SNX14: variants seen among roughly 807,000 people sequenced by gnomAD.
SNX14 encodes the protein sorting nexin 14.
In SNX14, 93 loss-of-function variants were observed where a neutral mutation model predicts 133.8. That is an observed-to-expected ratio of 0.70 (90% CI 0.59 to 0.83). The LOEUF (loss-of-function observed/expected upper bound fraction) is 0.83. SNX14 is among the 40% of genes least tolerant of loss of function. The pLI is 0.00. For missense variants in SNX14, 945 were observed against 1,094.9 expected, an observed-to-expected ratio of 0.86 and a Z score of 1.93; for synonymous variants, 368 against 365.6, an observed-to-expected ratio of 1.01 and a Z score of -0.07.
intron 1 of SNX14, among the ~76,000 whole-genome samples, chr6:85,590,993 T>C (rs1802579148): frequency 1.3e-5 from 2 of 152,246 alleles, no homozygotes; most frequent in Non-Finnish European, 2.9e-5. Context: ...TTTTCTCTGC[T>C]TCTTGGGAGT....
At chr6:85,567,690 T>C (rs937236966) in intron 4 of SNX14, 113 bp from the exon 5 acceptor site, 14 of 624,460 alleles carry the variant, frequency 2.2e-5, no homozygotes, top group Non-Finnish European at 2.8e-5. Flanking sequence ...TTATCACAAA[T>C]AGTGACAGTA....
chr6:85,592,058 T>C (rs1397212426), intron 1 of SNX14, among the ~76,000 whole-genome samples: 1 of 152,232 alleles, frequency 6.6e-6, no homozygotes, highest in East Asian at 1.9e-4. Context: ...TACATTTCTT[T>C]CATACTAAAC....
At chr6:85,579,030 C>G (rs1196882593) in intron 1 of SNX14, among the ~76,000 whole-genome samples, 5 of 151,908 alleles carry the variant, frequency 3.3e-5, no homozygotes, top group Non-Finnish European at 7.4e-5. Flanking sequence ...CCCAGCTACT[C>G]AGGAGGCTGA....
rs1785683972 is a variant in SNX14, at chr6:85,546,839, T to G, written c.1108+273A>C. Among the ~76,000 whole-genome samples the G allele has an allele frequency of 2.6e-5, 4 of 151,956 alleles. No homozygotes were observed. The South Asian group carries it at 8.3e-4, about 31-fold the overall frequency. On this transcript the variant is annotated intron_variant, in intron 12 of 28. Transcript: ENST00000314673. ...TAGCTGGGGTGCTGGCACATGCCTG[T>G]AATCCCAGCTACTTGGGAGACTGAG... is the stretch of plus-strand genomic sequence containing the variant.
rs542725392 is a variant in SNX14 at position 85,536,737 on chromosome 6, T to C, written c.1608+55A>G. On this transcript the variant is annotated intron_variant, in intron 17 of 28. Coordinates refer to ENST00000314673, the MANE Select transcript of SNX14 (RefSeq NM_153816.6). ...GAAAATAATGAGTATATCTAATTTTTATGTCATAGTAAGTCTGAAGTTATA... is the reference window on the plus strand; with the variant it reads ...GAAAATAATGAGTATATCTAATTTTCATGTCATAGTAAGTCTGAAGTTATA... The C allele has an allele frequency of 2.6e-6, 4 of 1,535,076 alleles. No homozygotes were observed. The African/African-American group carries it at 5.5e-5, about 21-fold the overall frequency.
intron 26 of SNX14, among the ~76,000 whole-genome samples, chr6:85,509,335 G>GT (rs1348340422): frequency 3.4e-5 from 5 of 147,118 alleles, no homozygotes; most frequent in African/African-American, 7.8e-5. Context: ...CAGAAAACAG[G>GT]TAAAAAAAAA....
intron 19 of SNX14, among the ~76,000 whole-genome samples, chr6:85,529,493 T>C (rs1368084030): frequency 1.3e-5 from 2 of 152,158 alleles, no homozygotes; most frequent in Non-Finnish European, 2.9e-5. Flanking sequence ...TGGAGATAAA[T>C]TGTCTTCTCT....
At chr6:85,530,466 G>T (rs1350415363) in intron 18 of SNX14, among the ~76,000 whole-genome samples, 191 bp from the exon 19 acceptor site, 1 of 152,056 alleles carries the variant, frequency 6.6e-6, no homozygotes, top group East Asian at 1.9e-4. Flanking sequence ...CCAACATGGT[G>T]AAATCCCGCT....
intron 18 of SNX14, among the ~76,000 whole-genome samples, chr6:85,530,690 G>A (rs1328245714): frequency 6.6e-6 from 1 of 151,644 alleles, no homozygotes. Context: ...TACAAAGCTG[G>A]ACATTATTCC....
At chr6:85,569,254 G>A (rs1794864842) in intron 4 of SNX14, among the ~76,000 whole-genome samples, 1 of 152,112 alleles carries the variant, frequency 6.6e-6, no homozygotes, top group Non-Finnish European at 1.5e-5. Flanking sequence ...GAGCCAACAC[G>A]CCCAGCGGGT....
At chr6:85,519,609 G>T (rs896401109) in intron 21 of SNX14, among the ~76,000 whole-genome samples, 1 of 152,124 alleles carries the variant, frequency 6.6e-6, no homozygotes, top group Non-Finnish European at 1.5e-5. Flanking sequence ...GGTGGCTCAC[G>T]CCTGTAATCC....
intron 1 of SNX14, among the ~76,000 whole-genome samples, chr6:85,586,572 ATTT>A (rs951787654): frequency 6.7e-6 from 1 of 149,984 alleles, no homozygotes; most frequent in African/African-American, 2.4e-5. Context: ...TATGGAAGTG[ATTT>A]TTTTTTTATT....
At chr6:85,506,233 G>GT (rs570835424) in intron 28 of SNX14, among the ~76,000 whole-genome samples, 52 of 152,162 alleles carry the variant, frequency 3.4e-4, no homozygotes, top group African/African-American at 1.3e-3. Context: ...AAGGTTTCCT[G>GT]TTGTTGATTC....
At chr6:85,587,466 T>A (rs756736755) in intron 1 of SNX14, among the ~76,000 whole-genome samples, 3 of 152,178 alleles carry the variant, frequency 2.0e-5, no homozygotes, top group Non-Finnish European at 2.9e-5. Context: ...ATAAAATAAC[T>A]TTTAAAAAAT....
chr6:85,564,464 C>T (rs1793040215), intron 6 of SNX14, among the ~76,000 whole-genome samples: 2 of 152,196 alleles, frequency 1.3e-5, no homozygotes, highest in Non-Finnish European at 2.9e-5. Context: ...AATTGCCATT[C>T]TAACTGGTGT....
rs540250597 is a variant in SNX14 at position 85,558,661 on chromosome 6, G to A, written c.550-601C>T. ...TAGTTTTTAGTAGAAACGGGGTTTC[G>A]CCATGTTGCCCAGGCTGGTCTCCAA... is the stretch of plus-strand genomic sequence containing the variant. On this transcript the variant is annotated intron_variant, in intron 6 of 28. Transcript: ENST00000314673. Among the ~76,000 whole-genome samples the A allele has an allele frequency of 3.3e-5, 5 of 151,934 alleles. No individual in the cohort carries two copies. In the South Asian group the frequency reaches 1.0e-3, roughly 32 times the overall value.
chr6:85,526,388 T>C (rs1206013607), intron 20 of SNX14, 151 bp from the exon 21 acceptor site: 5 of 595,706 alleles, frequency 8.4e-6, no homozygotes, highest in South Asian at 4.2e-5. Context: ...GGGAAGAATA[T>C]AGGATAGTAG....
chr6:85,586,774 G>A (rs1004621161), intron 1 of SNX14, among the ~76,000 whole-genome samples: 3 of 151,694 alleles, frequency 2.0e-5, no homozygotes, highest in African/African-American at 7.3e-5. Context: ...TTTCTGGCCA[G>A]GTGCATAATT....
rs71551482 is a variant in SNX14, at chr6:85,552,032, C to CTT, written c.635-2155_635-2154dup. Among the ~76,000 whole-genome samples the CTT allele has an allele frequency of 8.4e-3, 953 of 114,016 alleles. 5 individuals carry two copies. The highest frequency in any genetic ancestry group is 0.022 in the Middle Eastern group (4 of 182). 74.8% of individuals were successfully genotyped at this position (114,016 alleles called of 152,430 possible). A position where few individuals can be genotyped will look rare whatever the true frequency, so the allele number is the denominator to read the frequency against. On this transcript the variant is annotated intron_variant, in intron 7 of 28. Coordinates refer to ENST00000314673, the MANE Select transcript of SNX14 (RefSeq NM_153816.6). Reference sequence around the variant, plus strand: ...AAATCATGGAGTCTGTGTTGGGAATCTTTTTTTTTTTTTTTTTTTTTTGAG... The same window carrying CTT: ...AAATCATGGAGTCTGTGTTGGGAATCTTTTTTTTTTTTTTTTTTTTTTTTGAG...
Sources: gnomAD v4.1 joint callset for allele counts (sites outside exome capture counted in the v4.1 genomes callset) on GRCh38, gnomAD v4.1.1 for gene constraint, MANE v1.5 for transcripts, NCBI Gene and HGNC (gene_info 2026-07-23, HGNC 2026-07-21) for gene names.